The following DST variants were observed in gnomAD, a reference collection of about 807,000 sequenced individuals.
The protein encoded by DST is bullous pemphigoid antigen.
Under a neutral mutation model 875.2 loss-of-function variants are expected in DST, and 253 were observed. The observed-to-expected ratio is 0.29, with a 90% CI of 0.26 to 0.32. The LOEUF is 0.32. Among genes scored for constraint, DST ranks in the 10% least tolerant of loss-of-function variants. The pLI, the probability that DST is intolerant of heterozygous loss-of-function variation, is 1.00. For synonymous variants in DST, 3,124 were observed against 3,197.1 expected, an observed-to-expected ratio of 0.98 and a Z score of 0.77; for missense variants, 8,287 against 9,111.6, an observed-to-expected ratio of 0.91 and a Z score of 3.68.
At chr6:56,616,627 C>G in intron 36 of DST, 4 of 1,614,160 alleles carry the variant, frequency 2.5e-6, no homozygotes, top group Non-Finnish European at 3.4e-6. Context: ...CATGTAAAAA[C>G]TGTAAGATGG....
chr6:56,886,468 C>T (rs1303949077), intron 3 of DST, among the ~76,000 whole-genome samples: 2 of 152,164 alleles, frequency 1.3e-5, no homozygotes, highest in Non-Finnish European at 2.9e-5. Flanking sequence ...CGAAGTACTA[C>T]TCCAAAGCTA....
In DST at chr6:56,604,534, T is replaced by C; in HGVS notation, c.10094A>G (p.Glu3365Gly). 1.2e-6 allele frequency: 2 copies of C among 1,612,456 alleles called. No homozygotes were observed. Among genetic ancestry groups the C allele is most frequent in the Middle Eastern group, 3.3e-4 (2 of 6,052 alleles). ...AACCTCTTGAGGGTTCATATGACCT[T>C]CTTTCAACCTGCTTTTTAAGATATC... ...VKDILKSRLK[E>G]GHMNPQEVEE... The change falls in exon 40 of 104, where the codon GAA becomes GGA. Residue 3365 changes from glutamate to glycine, a missense_variant. Physicochemically the swap from Glu to Gly is moderately conservative, Grantham distance 98. This residue lies in a region of DST where 3,138 missense variants were observed against 3,116.6 expected (regional missense o/e 1.01). Transcript: ENST00000680361.
chr6:56,669,737 T>C (rs2152826743), intron 10 of DST, among the ~76,000 whole-genome samples: 1 of 152,308 alleles, frequency 6.6e-6, no homozygotes, highest in South Asian at 2.1e-4. Flanking sequence ...TCGCTGGCTG[T>C]ATGACTGCAA....
intron 5 of DST, among the ~76,000 whole-genome samples, chr6:56,711,709 C>T (rs1202710176): frequency 1.3e-5 from 2 of 152,062 alleles, no homozygotes; most frequent in Admixed American, 6.5e-5. Context: ...AACAAACGAG[C>T]GTCGGCTTGT....
intron 36 of DST, among the ~76,000 whole-genome samples, chr6:56,620,991 A>G: frequency 6.6e-6 from 1 of 152,242 alleles, no homozygotes; most frequent in East Asian, 1.9e-4. Flanking sequence ...AGAATTTTAT[A>G]GCAAGAAGGG....
chr6:56,814,208 T>C (rs941748946), intron 4 of DST, among the ~76,000 whole-genome samples: 4 of 152,202 alleles, frequency 2.6e-5, no homozygotes, highest in African/African-American at 9.6e-5. Flanking sequence ...ATTACTTCAT[T>C]TTTAAAATAC....
intron 4 of DST, among the ~76,000 whole-genome samples, chr6:56,783,821 A>G (rs558940145): frequency 8.2e-4 from 125 of 152,238 alleles, no homozygotes; most frequent in Non-Finnish European, 1.5e-3. Context: ...TCCTAGTCTC[A>G]ATGGTCTTTA....
intron 4 of DST, among the ~76,000 whole-genome samples, chr6:56,796,788 G>A (rs1470872236): frequency 6.6e-6 from 1 of 151,992 alleles, no homozygotes; most frequent in Non-Finnish European, 1.5e-5. Context: ...GGGAGAGAAG[G>A]AAGGAGGAAG....
intron 4 of DST, among the ~76,000 whole-genome samples, chr6:56,783,076 G>A (rs1490610890): frequency 6.6e-6 from 1 of 152,160 alleles, no homozygotes; most frequent in Non-Finnish European, 1.5e-5. Context: ...TGATTGCACT[G>A]TGGTCTGAGA....
chr6:56,948,468 C>G (rs1820771183), intron 2 of DST, among the ~76,000 whole-genome samples: 1 of 152,142 alleles, frequency 6.6e-6, no homozygotes, highest in Non-Finnish European at 1.5e-5. Flanking sequence ...ACATGTTGGG[C>G]AGGACAAAGT....
At chr6:56,716,675 C>T (rs549192947) in intron 5 of DST, among the ~76,000 whole-genome samples, 2 of 152,214 alleles carry the variant, frequency 1.3e-5, no homozygotes, top group South Asian at 2.1e-4. Context: ...CAGATCTAAC[C>T]AACCCCACCA....
chr6:56,790,902 T>C (rs916690034), intron 4 of DST, among the ~76,000 whole-genome samples: 8 of 152,196 alleles, frequency 5.3e-5, no homozygotes, highest in Non-Finnish European at 7.3e-5. Flanking sequence ...AAGACCAAGA[T>C]ACCTGGATCA....
In DST at chr6:56,630,393, G is replaced by C. The variant is rs939051878; in HGVS notation, c.4143-10C>G. ...GTTAACAGTTTTCAACCTTAAAAAGGAAATTAAACAATAGCCACCTATGGT... is the reference window on the plus strand; with the variant it reads ...GTTAACAGTTTTCAACCTTAAAAAGCAAATTAAACAATAGCCACCTATGGT... On this transcript the variant is annotated splice_polypyrimidine_tract_variant and intron_variant, in intron 30 of 103. Coordinates refer to ENST00000680361, the MANE Select transcript of DST (RefSeq NM_001374736.1). 2 of 1,610,784 alleles carry C rather than the reference G, an allele frequency of 1.2e-6. No homozygotes were observed. Among genetic ancestry groups the C allele is most frequent in the Non-Finnish European group, 1.7e-6 (2 of 1,178,892 alleles).
At chr6:56,558,689 G>A (rs948891299) in intron 58 of DST, among the ~76,000 whole-genome samples, 1 of 151,988 alleles carries the variant, frequency 6.6e-6, no homozygotes, top group Non-Finnish European at 1.5e-5. Context: ...CTAACTCCTC[G>A]TTACCTAGAC....
intron 4 of DST, among the ~76,000 whole-genome samples, chr6:56,844,625 A>G (rs1184157326): frequency 6.6e-6 from 1 of 152,222 alleles, no homozygotes; most frequent in Non-Finnish European, 1.5e-5. Flanking sequence ...CTGTAATCCC[A>G]GCACTTTGGG....
chr6:56,617,339 T>C lies in DST; in HGVS notation c.4930-2855A>G, dbSNP rs1563219086. On this transcript the variant is annotated intron_variant, in intron 36 of 103. Coordinates refer to ENST00000680361, the MANE Select transcript of DST (RefSeq NM_001374736.1). Reference sequence around the variant, plus strand: ...TCTGCACCCTTCAAGCATCCATTCTTCAGCACTGGGAACTGGGTTCTTTTC... The same window carrying C: ...TCTGCACCCTTCAAGCATCCATTCTCCAGCACTGGGAACTGGGTTCTTTTC... 6 of 1,613,996 alleles carry C rather than the reference T, an allele frequency of 3.7e-6. No homozygotes were observed. Among genetic ancestry groups the C allele is most frequent in the Non-Finnish European group, 5.1e-6 (6 of 1,180,020 alleles).
intron 2 of DST, 134 bp from the exon 3 acceptor site, chr6:56,900,755 T>C (rs1256386237): frequency 1.8e-5 from 10 of 542,768 alleles, no homozygotes; most frequent in African/African-American, 1.6e-4. Flanking sequence ...AAAGTGAGCA[T>C]GGAGGAGGCT....
chr6:56,743,189 T>C (rs1310981690), intron 4 of DST, among the ~76,000 whole-genome samples: 1 of 152,084 alleles, frequency 6.6e-6, no homozygotes, highest in African/African-American at 2.4e-5. Context: ...AGACAAACTA[T>C]CTTTGGCATT....
At chr6:56,565,334 T>A (rs965752461) in intron 55 of DST, among the ~76,000 whole-genome samples, 6 of 152,110 alleles carry the variant, frequency 3.9e-5, no homozygotes, top group African/African-American at 1.4e-4. Flanking sequence ...TTAACCACGA[T>A]GGTCTCAATC....
Sources: gnomAD v4.1 joint callset for allele counts (sites outside exome capture counted in the v4.1 genomes callset) on GRCh38, gnomAD v4.1.1 for gene constraint, gnomAD v4.1.1 regional missense constraint, MANE v1.5 for transcripts, NCBI Gene and HGNC (gene_info 2026-07-23, HGNC 2026-07-21) for gene names.